HIBCH: variants seen among roughly 807,000 people sequenced by gnomAD.
HIBCH encodes 3-hydroxyisobutyryl-CoA hydrolase, mitochondrial.
A neutral mutation model predicts 58.2 loss-of-function variants in HIBCH; 50 were observed. The observed-to-expected ratio is 0.86, with a 90% CI of 0.68 to 1.09. HIBCH has a LOEUF of 1.09. Among genes scored for constraint, HIBCH ranks in the 50% least tolerant of loss-of-function variants. The probability of loss-of-function intolerance (pLI) is 0.00; values close to 1 mark genes in which losing one functional copy is unlikely to be tolerated. For missense variants in HIBCH, 450 were observed against 449.7 expected (o/e 1.00, Z -0.01); for synonymous variants, 151 against 146.9 (o/e 1.03, Z -0.20).
chr2:190,316,318 A>G (rs960070323), intron 1 of HIBCH, among the ~76,000 whole-genome samples: 45 of 152,028 alleles, frequency 3.0e-4, no homozygotes, highest in African/African-American at 1.1e-3. Flanking sequence ...TTTTGTAGAG[A>G]GACAGTCTAT....
chr2:190,265,511 C>T (rs1046316294), intron 6 of HIBCH, among the ~76,000 whole-genome samples: 1 of 150,302 alleles, frequency 6.7e-6, no homozygotes, highest in Non-Finnish European at 1.5e-5. Context: ...ATATCCTAGA[C>T]AGGATTCCCT....
At chr2:190,302,128 G>C (rs1330896506) in intron 2 of HIBCH, among the ~76,000 whole-genome samples, 1 of 152,166 alleles carries the variant, frequency 6.6e-6, no homozygotes, top group Non-Finnish European at 1.5e-5. Context: ...ATTTGGAAAA[G>C]AGAGCTTTAC....
At chr2:190,273,443 C>G (rs540656009) in intron 6 of HIBCH, among the ~76,000 whole-genome samples, 36 of 151,948 alleles carry the variant, frequency 2.4e-4, no homozygotes, top group Non-Finnish European at 5.1e-4. Flanking sequence ...CTAACTCTCC[C>G]CTAATAAGAC....
intron 6 of HIBCH, among the ~76,000 whole-genome samples, chr2:190,262,803 T>C (rs1687127447): frequency 6.6e-6 from 1 of 152,204 alleles, no homozygotes; most frequent in African/African-American, 2.4e-5. Flanking sequence ...ATTTTAGCAT[T>C]GGCTGATAAT....
intron 11 of HIBCH, among the ~76,000 whole-genome samples, chr2:190,221,784 A>T (rs1360639797): frequency 6.6e-6 from 1 of 152,182 alleles, no homozygotes; most frequent in Non-Finnish European, 1.5e-5. Context: ...GGAGAGAGGC[A>T]GCTTGACTTC....
chr2:190,312,407 C>T (rs1688584681), intron 1 of HIBCH, among the ~76,000 whole-genome samples: 1 of 152,216 alleles, frequency 6.6e-6, no homozygotes, highest in Admixed American at 6.5e-5. Flanking sequence ...AAGCTAGAAT[C>T]AGTAGCTGCA....
At position 190,204,111 on chromosome 2, in the gene HIBCH, C is replaced by T. The variant is rs1690329918; in HGVS notation, c.*1006G>A. On this transcript the variant is annotated 3_prime_UTR_variant, in exon 14 of 14. Transcript: ENST00000359678. ...GTTTAAAAATTATTCTTGCCTAGAA[C>T]TTTAAGGTTCTGAGTCTGGAATACC... 1 of 152,008 alleles carries T rather than the reference C, an allele frequency of 6.6e-6. No individual in the cohort carries two copies. The highest frequency in any genetic ancestry group is 1.5e-5 in the Non-Finnish European group (1 of 67,900). 9.4% of individuals were successfully genotyped at this position (152,008 alleles called of 1,614,324 possible). A position where few individuals can be genotyped will look rare whatever the true frequency, so the allele number is the denominator to read the frequency against.
In HIBCH at chr2:190,215,808, T is replaced by C. The variant is rs1690614807; in HGVS notation, c.892-2733A>G. 1 of 152,430 alleles carries C rather than the reference T, an allele frequency of 6.6e-6. No homozygotes were observed. The highest frequency in any genetic ancestry group is 2.4e-5 in the African/African-American group (1 of 41,426). The allele number at this position is 152,430 out of a possible 1,614,324, so 9.4% of individuals were successfully genotyped here. A position where few individuals can be genotyped will look rare whatever the true frequency, so the allele number is the denominator to read the frequency against. ...AGGGAAAGCCTGGTGCACAGCTGTG[T>C]GTGTGGGAGCCACTGGACTAAGCAG... On this transcript the variant is annotated intron_variant, in intron 11 of 13. Coordinates refer to ENST00000359678, the MANE Select transcript of HIBCH (RefSeq NM_014362.4). This position sits in a 1 kb window ranked among gnomAD's most constrained non-coding sequence, Gnocchi z 4.4.
intron 9 of HIBCH, among the ~76,000 whole-genome samples, chr2:190,247,635 A>T (rs1026339115): frequency 6.6e-6 from 1 of 151,852 alleles, no homozygotes; most frequent in Non-Finnish European, 1.5e-5. Flanking sequence ...TTTCTATTTA[A>T]TTATCCTTTT....
chr2:190,192,273 G>GTATC (rs1553489964), intron 1 of HIBCH, among the ~76,000 whole-genome samples: 1 of 152,024 alleles, frequency 6.6e-6, no homozygotes, highest in East Asian at 1.9e-4. Context: ...TTTTATGGGT[G>GTATC]TATCTCTGGA....
intron 7 of HIBCH, among the ~76,000 whole-genome samples, chr2:190,258,640 T>C (rs1470355086): frequency 6.6e-6 from 1 of 152,260 alleles, no homozygotes; most frequent in African/African-American, 2.4e-5. Flanking sequence ...AACAATCGTA[T>C]ATTTTTGTTT....
intron 11 of HIBCH, among the ~76,000 whole-genome samples, chr2:190,218,200 G>A (rs1214257666): frequency 1.3e-5 from 2 of 150,892 alleles, no homozygotes; most frequent in East Asian, 1.9e-4. Flanking sequence ...AAAACAGACC[G>A]TTATTGGGCC....
At chr2:190,225,621 ATAAT>A (rs1452240516) in intron 11 of HIBCH, among the ~76,000 whole-genome samples, 1 of 152,302 alleles carries the variant, frequency 6.6e-6, no homozygotes, top group East Asian at 1.9e-4. Context: ...AATTGAGGCA[ATAAT>A]TAATAGCCCA....
At chr2:190,224,235 G>C (rs1456557208) in intron 11 of HIBCH, among the ~76,000 whole-genome samples, 1 of 152,220 alleles carries the variant, frequency 6.6e-6, no homozygotes. Flanking sequence ...TGATGCTTGA[G>C]TACGTAAACA....
rs531529068 is a variant in HIBCH, at chr2:190,310,812, A to G, written c.36-16T>C. The G allele has an allele frequency of 3.7e-5, 58 of 1,579,574 alleles. 2 individuals carry two copies. The South Asian group carries it at 6.3e-4, about 17-fold the overall frequency. On this transcript the variant is annotated splice_polypyrimidine_tract_variant and intron_variant, in intron 1 of 13. Coordinates refer to ENST00000359678, the MANE Select transcript of HIBCH (RefSeq NM_014362.4). ...TGCATTAAACCTGAAACAAATGTGG[A>G]AAACAATGAGAACAGTAATGTGGGT...
intron 5 of HIBCH, among the ~76,000 whole-genome samples, chr2:190,288,242 AAATT>A (rs1175058853): frequency 1.3e-5 from 2 of 151,798 alleles, no homozygotes; most frequent in East Asian, 3.8e-4. Flanking sequence ...AATTCCCTCC[AAATT>A]AACCCATAAT....
At chr2:190,257,224 G>A (rs1008979392) in intron 7 of HIBCH, among the ~76,000 whole-genome samples, 3 of 152,280 alleles carry the variant, frequency 2.0e-5, no homozygotes, top group African/African-American at 7.2e-5. Flanking sequence ...ATAAGGAAGA[G>A]AGAAGACTTT....
At chr2:190,290,507 T>TAA (rs57377277) in intron 4 of HIBCH, 22 bp from the exon 5 acceptor site, 42 of 1,210,754 alleles carry the variant, frequency 3.5e-5, no homozygotes, top group African/African-American at 6.4e-5. Flanking sequence ...AGATTACAAA[T>TAA]AAAAAAAAAA....
At chr2:190,224,316 C>T (rs1044692058) in intron 11 of HIBCH, among the ~76,000 whole-genome samples, 3 of 152,142 alleles carry the variant, frequency 2.0e-5, no homozygotes, top group African/African-American at 7.2e-5. Flanking sequence ...TCTGTAGACT[C>T]CACCTCTGGG....
Sources: allele counts gnomAD v4.1 joint callset (sites outside exome capture counted in the v4.1 genomes callset), GRCh38; gene constraint gnomAD v4.1.1; non-coding constraint Gnocchi (gnomAD v3.1); transcripts MANE v1.5; gene names NCBI Gene and HGNC (gene_info 2026-07-23, HGNC 2026-07-21).